Variants in SIGIRR observed in about 807,000 individuals in gnomAD.
SIGIRR encodes single Ig IL-1-related receptor.
In SIGIRR, 41 loss-of-function variants were observed where a neutral mutation model predicts 45.6. The observed-to-expected ratio is 0.90, with a 90% confidence interval of 0.70 to 1.17. The LOEUF (loss-of-function observed/expected upper bound fraction) is 1.17, where lower values mean the gene tolerates loss of function less well. SIGIRR is among the 50% of genes most tolerant of loss of function. The pLI, the probability that SIGIRR is intolerant of heterozygous loss-of-function variation, is 0.00. For synonymous variants in SIGIRR, 298 were observed against 239.0 expected, an observed-to-expected ratio of 1.25 and a Z score of -2.28; for missense variants, 599 against 539.6, an observed-to-expected ratio of 1.11 and a Z score of -1.09.
In SIGIRR at chr11:407,482, C is replaced by T; in HGVS notation, c.568G>A (p.Glu190Lys). 1 of 1,588,520 alleles carries T rather than the reference C, an allele frequency of 6.3e-7. No homozygotes were observed. The highest frequency in any genetic ancestry group is 8.6e-7 in the Non-Finnish European group (1 of 1,168,254). ...FVNFILKPQL[E>K]RRRGYKLFLD... ...AAGAGCTTGTAGCCCCGACGCCGCT[C>T]CAGCTGCGGCTTTAGGATGAAGTTC... Residue 190 changes from glutamate (E) to lysine (K), a missense_variant, in exon 6 of 10, where the codon GAG becomes AAG. Transcript: ENST00000431843.
chr11:415,089 G>A (rs75740642), upstream of SIGIRR: 1,810 of 158,328 alleles, frequency 0.011, 58 homozygotes, highest in African/African-American at 0.04. This position sits in a 1 kb window ranked among gnomAD's most constrained non-coding sequence, Gnocchi z 6.6. Context: ...GCGGGAGGAC[G>A]GGCAGTTGGT....
upstream of SIGIRR, among the ~76,000 whole-genome samples, chr11:415,527 C>T (rs902850583): frequency 6.6e-6 from 1 of 152,120 alleles, no homozygotes; most frequent in East Asian, 1.9e-4. This position sits in a 1 kb window ranked among gnomAD's most constrained non-coding sequence, Gnocchi z 6.6. Context: ...CCTCTGACCC[C>T]GGGGAACAGG....
intron 1 of SIGIRR, among the ~76,000 whole-genome samples, chr11:410,789 G>T (rs1271721102): frequency 5.5e-5 from 3 of 54,822 alleles, no homozygotes; most frequent in African/African-American, 8.1e-5. Context: ...TCGGGGGGGG[G>T]TGCCCAGCTC....
At chr11:413,648 T>C (rs1390303031) in intron 1 of SIGIRR, among the ~76,000 whole-genome samples, 1 of 150,358 alleles carries the variant, frequency 6.7e-6, no homozygotes, top group East Asian at 2.0e-4. Flanking sequence ...CTGCACCCTC[T>C]CCGCTGCCTG....
intron 8 of SIGIRR, 48 bp from the exon 9 acceptor site, chr11:406,586 C>T (rs1242530336): frequency 1.3e-6 from 2 of 1,547,966 alleles, no homozygotes; most frequent in African/African-American, 2.7e-5. Context: ...CCTCGGAAGC[C>T]CCTGGCGTCC....
chr11:405,900 A>T lies in SIGIRR; in HGVS notation c.1229T>A (p.Met410Lys), dbSNP rs774132614. Residue 410 changes from methionine to lysine, a missense_variant, in exon 10 of 10, where the codon ATG (methionine) becomes AAG (lysine). Physicochemically the swap from Met to Lys is moderately conservative, Grantham distance 95 (BLOSUM62 -1). Coordinates refer to ENST00000431843, the MANE Select transcript of SIGIRR (RefSeq NM_001135054.2). ...DFYCLVSKDDM is the reference protein window; with the variant it reads ...DFYCLVSKDDK The stretch of plus-strand genomic sequence containing the variant: ...TCCTGCACTCTGGGGTGGGAGCTAC[A>T]TATCATCCTTGGACACCAGGCAGTA... 1 of 1,596,264 alleles carries T rather than the reference A, an allele frequency of 6.3e-7. No individual in the cohort carries two copies. The highest frequency in any genetic ancestry group is 1.7e-4 in the Middle Eastern group (1 of 6,000).
In SIGIRR at chr11:406,541, G is replaced by A. The variant is rs1336643210; in HGVS notation, c.880-3C>T. ...TTCCAAAAATCGGAGGAAGGAGTCTGGGGGCCAGGTCGGGGCGGTTTGCAG... is the reference window on the plus strand; with the variant it reads ...TTCCAAAAATCGGAGGAAGGAGTCTAGGGGCCAGGTCGGGGCGGTTTGCAG... On this transcript the variant is annotated splice_polypyrimidine_tract_variant and splice_region_variant and intron_variant, in intron 8 of 9. Transcript: ENST00000431843. The A allele has an allele frequency of 3.1e-6, 5 of 1,607,018 alleles. No homozygotes were observed. The highest frequency in any genetic ancestry group is 1.7e-5 in the Admixed American group (1 of 59,772).
intron 1 of SIGIRR, among the ~76,000 whole-genome samples, chr11:413,443 C>T (rs1847761033): frequency 6.6e-6 from 1 of 151,980 alleles, no homozygotes; most frequent in African/African-American, 2.4e-5. Context: ...CAACCCCTCA[C>T]AGCAAGCCCG....
intron 1 of SIGIRR, among the ~76,000 whole-genome samples, chr11:414,487 TGCACACTTGCACCTCCTACACA>T (rs1449910510): frequency 6.6e-6 from 1 of 151,936 alleles, no homozygotes; most frequent in African/African-American, 2.4e-5. Flanking sequence ...TCAGCCCGTG[TGCACACTTGCACCTCCTACACA>T]GCACACTTCC....
At chr11:409,824 G>T (rs1245688057) in intron 2 of SIGIRR, 44 bp downstream of exon 2, 5 of 1,365,040 alleles carry the variant, frequency 3.7e-6, no homozygotes, top group Non-Finnish European at 4.7e-6. Flanking sequence ...GGGGCAGGAG[G>T]TGGGAGTGGG....
At chr11:412,816 G>A (rs890895480) in intron 1 of SIGIRR, among the ~76,000 whole-genome samples, 3 of 152,096 alleles carry the variant, frequency 2.0e-5, no homozygotes, top group African/African-American at 7.2e-5. Flanking sequence ...GAAACACCTC[G>A]GGAACCCTCA....
chr11:416,243 G>T (rs902040037), upstream of SIGIRR, among the ~76,000 whole-genome samples: 4 of 152,072 alleles, frequency 2.6e-5, no homozygotes, highest in East Asian at 7.7e-4. This position sits in a 1 kb window ranked among gnomAD's most constrained non-coding sequence, Gnocchi z 9.1. Flanking sequence ...ACAGGCCCTG[G>T]GGTCAGCCGC....
At chr11:408,674 C>T (rs772676562) in intron 3 of SIGIRR, 21 bp downstream of exon 3, 43 of 1,612,108 alleles carry the variant, frequency 2.7e-5, no homozygotes, top group Non-Finnish European at 3.1e-5. Flanking sequence ...CACTCTGACC[C>T]TGGATACCCG....
rs751949209 is a variant in SIGIRR, at chr11:405,938, G to A, written c.1191C>T (p.Ala397=). The change falls in exon 10 of 10, where the codon GCC becomes GCT. Residue 397 remains alanine (A), a synonymous_variant. Coordinates refer to ENST00000431843, the MANE Select transcript of SIGIRR (RefSeq NM_001135054.2). The stretch of plus-strand genomic sequence containing the variant: ...ACACCAGGCAGTAGAAGTCTGTGCG[G>A]GCACTGTAGTTTCGCGAGCCGAGAT... ...VSDLGSRNYS[A]RTDFYCLVSK... 4 of 1,611,520 alleles carry A rather than the reference G, an allele frequency of 2.5e-6. No homozygotes were observed. The highest frequency in any genetic ancestry group is 3.4e-6 in the Non-Finnish European group (4 of 1,179,206).
chr11:416,231 G>A (rs1442726156), upstream of SIGIRR, among the ~76,000 whole-genome samples: 2 of 152,120 alleles, frequency 1.3e-5, no homozygotes, highest in Non-Finnish European at 2.9e-5. The surrounding 1 kb of genome is among the most constrained non-coding windows in gnomAD (Gnocchi z 9.1). Context: ...AGGGCCTCCA[G>A]CACAGGCCCT....
At chr11:409,837 A>G (rs376458867) in intron 2 of SIGIRR, 31 bp downstream of exon 2, 168 of 1,362,490 alleles carry the variant, frequency 1.2e-4, no homozygotes, top group Non-Finnish European at 1.1e-4. Flanking sequence ...GGAGTGGGGA[A>G]TTCAAGCCCA....
chr11:406,191 G>GGGCCGAGCACCTCCAGGGCAGA, intron 9 of SIGIRR, 132 bp from the exon 10 acceptor site: 3 of 1,537,852 alleles, frequency 2.0e-6, no homozygotes, highest in Non-Finnish European at 2.6e-6. Context: ...GGCAGACCGA[G>GGGCCGAGCACCTCCAGGGCAGA]GGCCGAGCAC....
upstream of SIGIRR, among the ~76,000 whole-genome samples, chr11:415,941 G>C (rs1017817562): frequency 1.3e-5 from 2 of 152,166 alleles, no homozygotes; most frequent in South Asian, 2.1e-4. This position sits in a 1 kb window ranked among gnomAD's most constrained non-coding sequence, Gnocchi z 6.6. Context: ...CCAGCCTCCC[G>C]GCCCTGGCTG....
chr11:406,866 G>A lies in SIGIRR; in HGVS notation c.856C>T (p.Leu286=), dbSNP rs1847334390. The A allele has an allele frequency of 6.3e-7, 1 of 1,575,616 alleles. No homozygotes were observed. ...LRQHRHLVTL[L]LWRPGSVTPS... is the part of the protein sequence containing the mutation. ...ACCACGGAGCCGGGCCTCCAGAGCA[G>A]CAAGGTCACCAGGTGGCGGTGCTGG... Residue 286 remains leucine (L), a synonymous_variant, in exon 8 of 10, where the codon CTG becomes TTG. Transcript: ENST00000431843.
Sources: gnomAD v4.1 joint callset for allele counts (sites outside exome capture counted in the v4.1 genomes callset) on GRCh38, gnomAD v4.1.1 for gene constraint, Gnocchi (gnomAD v3.1) non-coding constraint, MANE v1.5 for transcripts, NCBI Gene and HGNC (gene_info 2026-07-23, HGNC 2026-07-21) for gene names.